Variants in HPS4 observed in about 807,000 individuals in gnomAD.
HPS4 encodes BLOC-3 complex member HPS4.
A neutral mutation model predicts 70.3 loss-of-function variants in HPS4; 44 were observed. The observed-to-expected ratio is 0.63, with a 90% CI of 0.49 to 0.80. The LOEUF is 0.80. Among genes scored for constraint, HPS4 ranks in the 30% least tolerant of loss-of-function variants. The pLI is 0.00. For synonymous variants in HPS4, 377 were observed against 355.9 expected, an observed-to-expected ratio of 1.06 and a Z score of -0.67; for missense variants, 873 against 884.4, an observed-to-expected ratio of 0.99 and a Z score of 0.16.
At chr22:26,476,154 G>A (rs2090515655) in intron 4 of HPS4, 1 of 152,062 alleles carries the variant, frequency 6.6e-6, no homozygotes, top group Non-Finnish European at 1.5e-5. Flanking sequence ...AGGTATATGA[G>A]TATTCACTGT....
At chr22:26,445,941 G>A (rs1037334370), downstream of HPS4, among the ~76,000 whole-genome samples, 5 of 152,182 alleles carry the variant, frequency 3.3e-5, no homozygotes, top group African/African-American at 1.2e-4. Context: ...CCTAGAAGCA[G>A]CCGGGCTGCC....
intron 7 of HPS4, 25 bp from the exon 8 acceptor site, chr22:26,468,648 A>G: frequency 6.2e-7 from 1 of 1,606,524 alleles, no homozygotes; most frequent in Non-Finnish European, 8.5e-7. Flanking sequence ...ACAGAACAAG[A>G]ACACCATGAG....
chr22:26,455,402 A>C (rs994689371), intron 13 of HPS4, among the ~76,000 whole-genome samples: 10 of 150,802 alleles, frequency 6.6e-5, no homozygotes, highest in East Asian at 1.9e-4. Context: ...CTATGCAGCC[A>C]TAAAAAATGA....
chr22:26,471,689 C>T (rs877593), intron 6 of HPS4, among the ~76,000 whole-genome samples: 126,609 of 152,076 alleles, frequency 0.83, 53,423 homozygotes, highest in Non-Finnish European at 0.9. Flanking sequence ...GAAGGCTGAG[C>T]CACAGTGCTA....
intron 7 of HPS4, among the ~76,000 whole-genome samples, chr22:26,469,053 A>C (rs1158549531): frequency 6.6e-6 from 1 of 152,146 alleles, no homozygotes; most frequent in Non-Finnish European, 1.5e-5. Flanking sequence ...GGAGATAGCA[A>C]AAATAAACAA....
At chr22:26,444,893 A>AAGTTGTGGTTT (rs2084901554) in intron 3 of HPS4, 1 of 152,254 alleles carries the variant, frequency 6.6e-6, no homozygotes, top group Non-Finnish European at 1.5e-5. Flanking sequence ...TGATTTCTAC[A>AAGTTGTGGTTT]CATCGTGACT....
chr22:26,479,298 T>G lies in HPS4; in HGVS notation c.99A>C (p.Thr33=), dbSNP rs759982764. Reference sequence around the variant, plus strand: ...GATAAAAGTAACAAATGCCAGCTCTTGTTGGATCGCCTTCTTCCTTTACCT... The same window carrying G: ...GATAAAAGTAACAAATGCCAGCTCTGGTTGGATCGCCTTCTTCCTTTACCT... ...GSKVKEEGDP[T]RAGICYFYPS... is the part of the protein sequence containing the mutation. The change falls in exon 3 of 14, where the codon ACA becomes ACC. Residue 33 remains threonine, a synonymous_variant. Transcript: ENST00000398145. The G allele has an allele frequency of 6.2e-7, 1 of 1,614,206 alleles. No homozygotes were observed.
intron 3 of HPS4, among the ~76,000 whole-genome samples, chr22:26,478,482 A>C (rs1478424272): frequency 6.6e-6 from 1 of 150,990 alleles, no homozygotes; most frequent in East Asian, 2.0e-4. Flanking sequence ...GAGGCAGGAG[A>C]ATGGCATGAA....
chr22:26,465,591 G>T, intron 9 of HPS4, 40 bp from the exon 10 acceptor site: 1 of 1,526,608 alleles, frequency 6.6e-7, no homozygotes, highest in Non-Finnish European at 9.1e-7. Flanking sequence ...TTTCCCCTGA[G>T]CCAGAGAGGG....
At position 26,453,271 on chromosome 22, in the gene HPS4, T is replaced by C. The variant is rs770063857; in HGVS notation, c.2089A>G (p.Lys697Glu). 37 of 1,614,110 alleles carry C rather than the reference T, an allele frequency of 2.3e-5. No homozygotes were observed. Among genetic ancestry groups the C allele is most frequent in the Non-Finnish European group, 2.9e-5 (34 of 1,180,050 alleles). ...ACCCCGTGCTTCAGCAGCTTCTGCT[T>C]TGCTTTGCCGGAGAGGCTGAAGGCG... ...DGAFSLSGKAKQKLLKHGVNL... is the reference protein window; with the variant it reads ...DGAFSLSGKAEQKLLKHGVNL... The change falls in exon 14 of 14, where the codon AAG (lysine) becomes GAG (glutamate). Residue 697 changes from lysine to glutamate, a missense_variant. Physicochemically the swap from Lys to Glu is moderately conservative, Grantham distance 56. Transcript: ENST00000398145.
Position 26,463,938 on chromosome 22 carries a change from G to A in HPS4, c.1692C>T (p.Asp564=), listed in dbSNP as rs759632995. 9.3e-6 allele frequency: 15 copies of A among 1,613,596 alleles called. No homozygotes were observed. In the East Asian group the frequency reaches 1.3e-4, roughly 14 times the overall value. ...TCACCACTTCCTCTATGGCTGCGCT[G>A]TCTCCCAGCAGCGGCTCCTCAGCCA... ...SLLAEEPLLG[D]SAAIEEVYHS... The change falls in exon 11 of 14, where the codon GAC becomes GAT. Residue 564 remains aspartate (D), a synonymous_variant. Transcript: ENST00000398145.
At chr22:26,471,096 A>T (rs1242371363) in intron 6 of HPS4, 1 of 523,324 alleles carries the variant, frequency 1.9e-6, no homozygotes, top group East Asian at 3.6e-5. Context: ...AAAGGGGTCA[A>T]AGTAGATGGC....
intron 7 of HPS4, 81 bp from the exon 8 acceptor site, chr22:26,468,704 C>T (rs2089206844): frequency 7.7e-7 from 1 of 1,299,200 alleles, no homozygotes; most frequent in East Asian, 2.4e-5. Flanking sequence ...GCCTAACAGC[C>T]CGTGTTGACG....
intron 6 of HPS4, chr22:26,471,126 C>T (rs2089734641): frequency 4.4e-6 from 2 of 453,486 alleles, no homozygotes; most frequent in Non-Finnish European, 8.2e-6. Context: ...CGACTGTCTA[C>T]CCTGACAATG....
At chr22:26,463,790 G>GC in intron 11 of HPS4, 127 bp downstream of exon 11, 1 of 1,002,140 alleles carries the variant, frequency 1.0e-6, no homozygotes, top group Non-Finnish European at 1.5e-6. Flanking sequence ...AGAACGTCTT[G>GC]CCCAGGGTCA....
intron 13 of HPS4, 92 bp from the exon 14 acceptor site, chr22:26,453,496 AC>A (rs2085553118): frequency 2.3e-6 from 3 of 1,306,850 alleles, no homozygotes; most frequent in Non-Finnish European, 3.3e-6. Context: ...GTCACAGAGG[AC>A]CCAGGACACC....
At chr22:26,479,891 T>C (rs2091089091) in intron 2 of HPS4, among the ~76,000 whole-genome samples, 1 of 152,088 alleles carries the variant, frequency 6.6e-6, no homozygotes, top group African/African-American at 2.4e-5. Flanking sequence ...GTCCAAAAGT[T>C]CGTAACAGGG....
At chr22:26,455,712 T>C (rs1247644160) in intron 13 of HPS4, among the ~76,000 whole-genome samples, 1 of 151,628 alleles carries the variant, frequency 6.6e-6, no homozygotes, top group Non-Finnish European at 1.5e-5. Flanking sequence ...GCACAGCACA[T>C]GTACCCTAAA....
At chr22:26,447,331 C>T (rs562580951), downstream of HPS4, among the ~76,000 whole-genome samples, 12 of 152,312 alleles carry the variant, frequency 7.9e-5, no homozygotes, top group Admixed American at 5.2e-4. Context: ...GTGGAGATCA[C>T]GTGAGTCCTG....
Sources: gnomAD v4.1 joint callset for allele counts (sites outside exome capture counted in the v4.1 genomes callset) on GRCh38, gnomAD v4.1.1 for gene constraint, MANE v1.5 for transcripts, NCBI Gene and HGNC (gene_info 2026-07-23, HGNC 2026-07-21) for gene names.